Variants in NTM observed in about 807,000 individuals in gnomAD.
NTM encodes the protein neurotrimin.
NTM carries 13 observed loss-of-function variants against 42.1 expected under a neutral mutation model. The ratio of observed to expected loss-of-function variants is 0.31; its 90% confidence interval spans 0.20 to 0.49. NTM has a LOEUF of 0.49. Among genes scored for constraint, NTM ranks in the 20% least tolerant of loss-of-function variants. The pLI is 0.99. For synonymous variants in NTM, 187 were observed against 179.2 expected, an observed-to-expected ratio of 1.04 and a Z score of -0.35; for missense variants, 373 against 452.8, an observed-to-expected ratio of 0.82 and a Z score of 1.60.
At chr11:131,745,354 G>A (rs1053988704) in intron 1 of NTM, among the ~76,000 whole-genome samples, 1 of 152,178 alleles carries the variant, frequency 6.6e-6, no homozygotes, top group African/African-American at 2.4e-5. Flanking sequence ...TTTAACTGGG[G>A]AGGGTTATCA....
intron 2 of NTM, among the ~76,000 whole-genome samples, chr11:132,134,713 A>G (rs1257673046): frequency 0.098 from 2,458 of 24,968 alleles, 456 homozygotes; most frequent in African/African-American, 0.19. Context: ...TGGTATATAT[A>G]TATATATATA....
At chr11:131,939,021 G>A (rs1386658207) in intron 2 of NTM, among the ~76,000 whole-genome samples, 1 of 152,192 alleles carries the variant, frequency 6.6e-6, no homozygotes, top group Admixed American at 6.5e-5. Flanking sequence ...TGATTGCAAA[G>A]CTCGGGAAAG....
chr11:132,253,369 G>C (rs1320703679), intron 4 of NTM, among the ~76,000 whole-genome samples: 1 of 152,170 alleles, frequency 6.6e-6, no homozygotes, highest in Non-Finnish European at 1.5e-5. Flanking sequence ...AAGCGGCTAA[G>C]CCAGGATTTC....
At chr11:132,254,070 C>G (rs1296032156) in intron 4 of NTM, among the ~76,000 whole-genome samples, 4 of 152,190 alleles carry the variant, frequency 2.6e-5, no homozygotes, top group Non-Finnish European at 5.9e-5. Flanking sequence ...AGCCTCCTCT[C>G]ACCTGGTGTT....
chr11:132,065,442 C>A (rs7110697), intron 2 of NTM, among the ~76,000 whole-genome samples: 18,804 of 152,160 alleles, frequency 0.12, 1,249 homozygotes, highest in South Asian at 0.19. Flanking sequence ...CTAGAATCTC[C>A]TGCACCAGAT....
intron 1 of NTM, among the ~76,000 whole-genome samples, chr11:131,861,286 A>G (rs1424871119): frequency 6.6e-6 from 1 of 152,222 alleles, no homozygotes; most frequent in East Asian, 1.9e-4. Flanking sequence ...ACTTTAGACC[A>G]ATGTGACCTG....
chr11:132,162,158 G>A (rs1485281671), intron 3 of NTM, among the ~76,000 whole-genome samples: 1 of 151,480 alleles, frequency 6.6e-6, no homozygotes, highest in African/African-American at 2.4e-5. Flanking sequence ...AATGTGCTTG[G>A]GTATAGTAGG....
intron 7 of NTM, among the ~76,000 whole-genome samples, chr11:132,327,911 C>T (rs999874655): frequency 3.3e-5 from 5 of 150,970 alleles, no homozygotes; most frequent in Admixed American, 2.0e-4. Flanking sequence ...GTTAATATAC[C>T]ATTAACAAAG....
chr11:132,174,706 T>C (rs1420031091), intron 3 of NTM, among the ~76,000 whole-genome samples: 1 of 152,124 alleles, frequency 6.6e-6, no homozygotes, highest in African/African-American at 2.4e-5. Context: ...GAAATATTAT[T>C]TTTGCTTCCT....
At chr11:131,661,075 T>G in intron 1 of NTM, 1 of 1,293,514 alleles carries the variant, frequency 7.7e-7, no homozygotes. Flanking sequence ...TTCTTCATCT[T>G]TTGCACAGAC....
chr11:131,917,779 T>C (rs951257592), intron 2 of NTM, among the ~76,000 whole-genome samples: 2 of 152,236 alleles, frequency 1.3e-5, no homozygotes, highest in African/African-American at 4.8e-5. Context: ...ACCTCTGGGC[T>C]TGCCAGGCAT....
rs1054165662 is a variant in NTM, at chr11:132,052,896, A to AT, written c.168-93377dup. The stretch of plus-strand genomic sequence containing the variant: ...CATAAGTAAAAGAAGGAATCCCTGG[A>AT]TTTTTTTTTCTCATGGTGTCTCTTG... On this transcript the variant is annotated intron_variant, in intron 2 of 8. Coordinates refer to ENST00000683400, the MANE Select transcript of NTM (RefSeq NM_001352005.2). 1.7e-3 allele frequency among the ~76,000 whole-genome samples: 250 copies of AT among 151,468 alleles called. 1 individual carries two copies. The highest frequency in any genetic ancestry group is 5.4e-3 in the African/African-American group (221 of 41,266).
intron 1 of NTM, among the ~76,000 whole-genome samples, chr11:131,699,037 A>T (rs894882428): frequency 1.3e-5 from 2 of 152,258 alleles, no homozygotes; most frequent in African/African-American, 4.8e-5. Context: ...ACTATGCAGG[A>T]ATATGTGATT....
At chr11:132,164,597 G>A (rs940998465) in intron 3 of NTM, among the ~76,000 whole-genome samples, 3 of 151,962 alleles carry the variant, frequency 2.0e-5, no homozygotes, top group Admixed American at 6.5e-5. Flanking sequence ...CTGATGGAAT[G>A]TCTGGCCATT....
intron 1 of NTM, among the ~76,000 whole-genome samples, chr11:131,790,691 G>A (rs1189446103): frequency 2.6e-5 from 4 of 152,132 alleles, no homozygotes; most frequent in Non-Finnish European, 4.4e-5. Context: ...TCTGGTCCTG[G>A]ACAAAAATAC....
intron 2 of NTM, among the ~76,000 whole-genome samples, chr11:131,946,944 A>G (rs1364707392): frequency 2.0e-5 from 3 of 152,218 alleles, no homozygotes; most frequent in South Asian, 4.1e-4. Flanking sequence ...ATTCTTGGCT[A>G]CAGAGTTACT....
intron 3 of NTM, among the ~76,000 whole-genome samples, chr11:132,157,772 A>G (rs1316601746): frequency 6.6e-6 from 1 of 152,084 alleles, no homozygotes; most frequent in African/African-American, 2.4e-5. Context: ...TCTGACTCCA[A>G]CCCTAAACCT....
intron 1 of NTM, among the ~76,000 whole-genome samples, chr11:131,429,054 C>T (rs1376296160): frequency 6.6e-6 from 1 of 151,838 alleles, no homozygotes; most frequent in African/African-American, 2.4e-5. Context: ...GACTCTGACT[C>T]AAAATAAATA....
chr11:131,626,279 T>C (rs2063097621), intron 1 of NTM, among the ~76,000 whole-genome samples: 1 of 152,184 alleles, frequency 6.6e-6, no homozygotes, highest in Non-Finnish European at 1.5e-5. Context: ...TTTGTAGTGA[T>C]TAGTAACTGC....
Sources: gnomAD v4.1 joint callset for allele counts (sites outside exome capture counted in the v4.1 genomes callset) on GRCh38, gnomAD v4.1.1 for gene constraint, MANE v1.5 for transcripts, NCBI Gene and HGNC (gene_info 2026-07-23, HGNC 2026-07-21) for gene names.